GPC5: variants seen among roughly 807,000 people sequenced by gnomAD.
GPC5 encodes the protein glypican-5.
A neutral mutation model predicts 53.9 loss-of-function variants in GPC5; 47 were observed. The ratio of observed to expected loss-of-function variants is 0.87; its 90% confidence interval spans 0.69 to 1.11. The LOEUF is 1.11. Among genes scored for constraint, GPC5 ranks in the 50% most tolerant of loss-of-function variants. The probability of loss-of-function intolerance (pLI) is 0.00; values close to 1 mark genes in which losing one functional copy is unlikely to be tolerated. For synonymous variants in GPC5, 286 were observed against 263.3 expected (o/e 1.09, Z -0.84); for missense variants, 748 against 713.1 (o/e 1.05, Z -0.56).
chr13:91,663,955 G>A (rs908330335), intron 2 of GPC5, among the ~76,000 whole-genome samples: 4 of 152,138 alleles, frequency 2.6e-5, no homozygotes, highest in African/African-American at 7.2e-5. Context: ...GGGTCCACAG[G>A]TGCATGCCAC....
intron 7 of GPC5, among the ~76,000 whole-genome samples, chr13:92,818,447 T>C (rs946727375): frequency 1.3e-5 from 2 of 152,024 alleles, no homozygotes; most frequent in African/African-American, 4.8e-5. Context: ...ACAATGCTTT[T>C]CTTATAGATA....
chr13:92,290,938 G>C (rs1213344394), intron 7 of GPC5, among the ~76,000 whole-genome samples: 1 of 152,158 alleles, frequency 6.6e-6, no homozygotes, highest in African/African-American at 2.4e-5. Context: ...GTGGGCCAGC[G>C]TGAGTTCTGG....
intron 6 of GPC5, among the ~76,000 whole-genome samples, chr13:92,072,323 G>C (rs1355916994): frequency 5.4e-5 from 8 of 148,730 alleles, no homozygotes; most frequent in Middle Eastern, 3.8e-3. Context: ...CTGGAGTGCA[G>C]TGGTATGATC....
chr13:92,164,002 G>A (rs1267785290), intron 7 of GPC5, among the ~76,000 whole-genome samples: 2 of 152,104 alleles, frequency 1.3e-5, no homozygotes, highest in African/African-American at 4.8e-5. Flanking sequence ...AAAACCATCA[G>A]ATCTCAAGAG....
At chr13:92,067,198 TGATAAGGTC>T (rs1169179607) in intron 6 of GPC5, among the ~76,000 whole-genome samples, 1 of 152,060 alleles carries the variant, frequency 6.6e-6, no homozygotes, top group African/African-American at 2.4e-5. Context: ...CCACACCTCA[TGATAAGGTC>T]CAGGCATTTG....
intron 6 of GPC5, among the ~76,000 whole-genome samples, chr13:92,041,902 G>A (rs1194898387): frequency 6.6e-6 from 1 of 152,192 alleles, no homozygotes; most frequent in Non-Finnish European, 1.5e-5. Flanking sequence ...TGGGGAAGTG[G>A]CTAGGAGAGG....
intron 6 of GPC5, among the ~76,000 whole-genome samples, chr13:92,092,383 C>T (rs2041388109): frequency 6.6e-6 from 1 of 152,162 alleles, no homozygotes; most frequent in African/African-American, 2.4e-5. Flanking sequence ...GATGCCTATA[C>T]TTCGACTTAT....
intron 7 of GPC5, among the ~76,000 whole-genome samples, chr13:92,782,660 A>C (rs1413906949): frequency 6.6e-6 from 1 of 152,148 alleles, no homozygotes; most frequent in Non-Finnish European, 1.5e-5. Context: ...TTTCATGGAG[A>C]TAATCAATAT....
chr13:91,714,585 G>T (rs2036295425), intron 3 of GPC5, among the ~76,000 whole-genome samples: 1 of 152,134 alleles, frequency 6.6e-6, no homozygotes, highest in African/African-American at 2.4e-5. Context: ...GTGTAAATGT[G>T]CTTATGTGAA....
chr13:91,977,612 A>T (rs1364786661), intron 6 of GPC5, among the ~76,000 whole-genome samples: 1 of 152,162 alleles, frequency 6.6e-6, no homozygotes, highest in African/African-American at 2.4e-5. Context: ...GACAATGCAA[A>T]AAAGGGCATT....
chr13:92,062,296 T>C (rs1299455243), intron 6 of GPC5, among the ~76,000 whole-genome samples: 1 of 151,988 alleles, frequency 6.6e-6, no homozygotes, highest in Non-Finnish European at 1.5e-5. Flanking sequence ...ATATAAATTA[T>C]TTAGATTGCT....
intron 6 of GPC5, among the ~76,000 whole-genome samples, chr13:92,086,473 T>G (rs2041336600): frequency 6.6e-6 from 1 of 152,238 alleles, no homozygotes; most frequent in Non-Finnish European, 1.5e-5. Context: ...GATGACATCT[T>G]CTGTAGCTAT....
chr13:91,774,981 C>T (rs1279208987), intron 5 of GPC5, among the ~76,000 whole-genome samples: 1 of 152,066 alleles, frequency 6.6e-6, no homozygotes, highest in Non-Finnish European at 1.5e-5. Flanking sequence ...CAGAGACTTG[C>T]AGGGTAAGTA....
intron 6 of GPC5, among the ~76,000 whole-genome samples, chr13:92,069,448 A>G (rs991819416): frequency 1.4e-4 from 19 of 136,452 alleles, no homozygotes; most frequent in African/African-American, 4.5e-4. Flanking sequence ...GTGTGTGTGT[A>G]TTCCTTGGGA....
chr13:92,479,320 A>C (rs897436007), intron 7 of GPC5, among the ~76,000 whole-genome samples: 1 of 152,194 alleles, frequency 6.6e-6, no homozygotes, highest in African/African-American at 2.4e-5. Context: ...GATTTCTGAA[A>C]CCAGGAGAAG....
chr13:92,063,013 TAA>T (rs2138855428), intron 6 of GPC5, among the ~76,000 whole-genome samples: 1 of 151,326 alleles, frequency 6.6e-6, no homozygotes, highest in Admixed American at 6.5e-5. Context: ...GGAGAGATAG[TAA>T]AAGAGTGGTC....
At chr13:91,964,804 T>C (rs145697551) in intron 6 of GPC5, among the ~76,000 whole-genome samples, 199 of 152,188 alleles carry the variant, frequency 1.3e-3, no homozygotes, top group African/African-American at 4.5e-3. Context: ...TGCGGCACTA[T>C]TCACAATAGC....
intron 7 of GPC5, among the ~76,000 whole-genome samples, chr13:92,549,884 T>TAC (rs34914341): frequency 0.32 from 45,392 of 140,604 alleles, 7,148 homozygotes; most frequent in Middle Eastern, 0.46. Context: ...AACACACACA[T>TAC]ACACACACAC....
chr13:92,350,205 A>C (rs938705229), intron 7 of GPC5, among the ~76,000 whole-genome samples: 1 of 152,118 alleles, frequency 6.6e-6, no homozygotes, highest in East Asian at 1.9e-4. Flanking sequence ...AAAAACTCTC[A>C]CCAAATTTAG....
Sources: allele counts gnomAD v4.1 joint callset (sites outside exome capture counted in the v4.1 genomes callset), GRCh38; gene constraint gnomAD v4.1.1; transcripts MANE v1.5; gene names NCBI Gene and HGNC (gene_info 2026-07-23, HGNC 2026-07-21).